The following ROR1 variants were observed in gnomAD, a reference collection of about 807,000 sequenced individuals.
ROR1 encodes the protein ROR family WNT receptor 1.
In ROR1, 19 loss-of-function variants were observed where a neutral mutation model predicts 78.8. The ratio of observed to expected loss-of-function variants is 0.24; its 90% CI spans 0.17 to 0.35. The LOEUF is 0.35. Among genes scored for constraint, ROR1 ranks in the 10% least tolerant of loss-of-function variants. ROR1 has a pLI of 1.00. For synonymous variants in ROR1, 386 were observed against 433.6 expected (o/e 0.89, Z 1.36); for missense variants, 917 against 1,177.8 (o/e 0.78, Z 3.24).
intron 4 of ROR1, among the ~76,000 whole-genome samples, chr1:64,102,709 T>A (rs1188141409): frequency 6.6e-6 from 1 of 152,202 alleles, no homozygotes; most frequent in African/African-American, 2.4e-5. Flanking sequence ...TTCGCTTTTT[T>A]AAAACAGTTC....
chr1:63,993,487 T>C (rs1380535675), intron 1 of ROR1, among the ~76,000 whole-genome samples: 2 of 152,190 alleles, frequency 1.3e-5, no homozygotes, highest in African/African-American at 4.8e-5. Flanking sequence ...TTTATAGATA[T>C]TTTATAAAGA....
intron 4 of ROR1, among the ~76,000 whole-genome samples, chr1:64,066,204 T>C (rs1646954459): frequency 6.6e-6 from 1 of 152,190 alleles, no homozygotes; most frequent in African/African-American, 2.4e-5. Context: ...CAACTTTCTC[T>C]CAAGGCCGTT....
chr1:64,176,201 C>T (rs1351774987), intron 8 of ROR1, among the ~76,000 whole-genome samples: 2 of 152,094 alleles, frequency 1.3e-5, no homozygotes, highest in Non-Finnish European at 2.9e-5. Flanking sequence ...AATAAACAAC[C>T]CACTTGCGAA....
At chr1:64,133,763 C>T (rs1367042606) in intron 4 of ROR1, among the ~76,000 whole-genome samples, 1 of 152,214 alleles carries the variant, frequency 6.6e-6, no homozygotes, top group Non-Finnish European at 1.5e-5. Context: ...ACTGCAAGTG[C>T]CCTTGCACTT....
chr1:63,843,421 C>G, intron 1 of ROR1: 2 of 748,318 alleles, frequency 2.7e-6, no homozygotes, highest in South Asian at 1.4e-5. Context: ...TCCTTGGTCT[C>G]GTAGGTTGTG....
chr1:64,104,781 G>A (rs552137576), intron 4 of ROR1, among the ~76,000 whole-genome samples: 2 of 152,306 alleles, frequency 1.3e-5, no homozygotes, highest in South Asian at 2.1e-4. Flanking sequence ...ACCCTGCAAA[G>A]GGCATGATCT....
chr1:63,970,025 T>C (rs1646106875), intron 1 of ROR1, among the ~76,000 whole-genome samples: 1 of 152,214 alleles, frequency 6.6e-6, no homozygotes, highest in Non-Finnish European at 1.5e-5. Context: ...TTATGACCTT[T>C]ATATCTTCAT....
At chr1:63,812,441 T>C (rs568374576) in intron 1 of ROR1, among the ~76,000 whole-genome samples, 2 of 152,310 alleles carry the variant, frequency 1.3e-5, no homozygotes, top group South Asian at 4.1e-4. Flanking sequence ...AGAATTTTGC[T>C]AACTAACCTG....
chr1:63,863,208 T>G, intron 1 of ROR1, among the ~76,000 whole-genome samples: 1 of 152,214 alleles, frequency 6.6e-6, no homozygotes, highest in Non-Finnish European at 1.5e-5. Flanking sequence ...AATACCTTAG[T>G]AGAAGCAAAG....
At chr1:63,817,678 C>G (rs1166318884) in intron 1 of ROR1, among the ~76,000 whole-genome samples, 1 of 152,098 alleles carries the variant, frequency 6.6e-6, no homozygotes, top group Non-Finnish European at 1.5e-5. Flanking sequence ...AACGAGCTTT[C>G]TAATCAAAAT....
chr1:64,173,339 T>G (rs759527687), intron 8 of ROR1, among the ~76,000 whole-genome samples: 1 of 152,194 alleles, frequency 6.6e-6, no homozygotes, highest in Admixed American at 6.5e-5. Context: ...ATTGGTGAGA[T>G]AGGACAAGAT....
At chr1:63,926,132 G>A (rs1258852770) in intron 1 of ROR1, among the ~76,000 whole-genome samples, 4 of 151,902 alleles carry the variant, frequency 2.6e-5, no homozygotes, top group African/African-American at 7.3e-5. Context: ...TTCTTCTAGG[G>A]TTTTTATGGT....
At chr1:63,903,909 A>G (rs1411768367) in intron 1 of ROR1, among the ~76,000 whole-genome samples, 2 of 152,228 alleles carry the variant, frequency 1.3e-5, no homozygotes, top group Non-Finnish European at 1.5e-5. Flanking sequence ...ACAGGTGTCC[A>G]GTAAAAGAGG....
At chr1:63,943,160 T>C (rs1386896508) in intron 1 of ROR1, among the ~76,000 whole-genome samples, 5 of 150,656 alleles carry the variant, frequency 3.3e-5, no homozygotes, top group Non-Finnish European at 5.9e-5. Context: ...TCAGGACATA[T>C]TGAATGAATG....
At chr1:64,125,876 G>T (rs749546172) in intron 4 of ROR1, among the ~76,000 whole-genome samples, 5 of 152,168 alleles carry the variant, frequency 3.3e-5, no homozygotes, top group Non-Finnish European at 5.9e-5. Context: ...TACAAACCAA[G>T]TTATATGTAC....
intron 7 of ROR1, among the ~76,000 whole-genome samples, chr1:64,149,774 A>G (rs1649569498): frequency 1.3e-5 from 2 of 152,182 alleles, no homozygotes; most frequent in Admixed American, 6.5e-5. Flanking sequence ...AGAAAGAAGC[A>G]TTTTGCCTAA....
At chr1:63,803,150 A>G (rs1644806436) in intron 1 of ROR1, among the ~76,000 whole-genome samples, 1 of 152,198 alleles carries the variant, frequency 6.6e-6, no homozygotes, top group East Asian at 1.9e-4. Flanking sequence ...ATTGTAACAA[A>G]TGCAGGCATG....
chr1:63,983,530 G>A (rs1359925136), intron 1 of ROR1, among the ~76,000 whole-genome samples: 1 of 152,154 alleles, frequency 6.6e-6, no homozygotes, highest in Non-Finnish European at 1.5e-5. Context: ...AGCCCACTTA[G>A]GGCTATTCTT....
At chr1:63,963,530 A>G (rs1569983180) in intron 1 of ROR1, among the ~76,000 whole-genome samples, 1 of 151,544 alleles carries the variant, frequency 6.6e-6, no homozygotes, top group South Asian at 2.1e-4. Context: ...TATCCTGCCA[A>G]TGCACTCCAG....
Sources: gnomAD v4.1 joint callset for allele counts (sites outside exome capture counted in the v4.1 genomes callset) on GRCh38, gnomAD v4.1.1 for gene constraint, MANE v1.5 for transcripts, NCBI Gene and HGNC (gene_info 2026-07-23, HGNC 2026-07-21) for gene names.